The following PARD3B variants were observed in gnomAD, a reference collection of about 807,000 sequenced individuals.
PARD3B encodes par-3 family cell polarity regulator beta, also known as partitioning defective 3 homolog B.
A neutral mutation model predicts 130.2 loss-of-function variants in PARD3B; 103 were observed. That is an observed-to-expected ratio of 0.79 (90% confidence interval 0.67 to 0.93). The LOEUF is 0.93. Among genes scored for constraint, PARD3B ranks in the 40% least tolerant of loss-of-function variants. PARD3B has a pLI of 0.00. For synonymous variants in PARD3B, 583 were observed against 553.2 expected, an observed-to-expected ratio of 1.05 and a Z score of -0.76; for missense variants, 1,609 against 1,499.2, an observed-to-expected ratio of 1.07 and a Z score of -1.21.
intron 1 of PARD3B, among the ~76,000 whole-genome samples, chr2:204,602,387 C>G (rs148224847): frequency 0.018 from 2,682 of 151,510 alleles, 42 homozygotes; most frequent in Admixed American, 0.043. Flanking sequence ...CCAACCCTGC[C>G]CAAGGACTTT....
At chr2:204,795,922 G>C (rs10203370) in intron 2 of PARD3B, among the ~76,000 whole-genome samples, 3,837 of 151,982 alleles carry the variant, frequency 0.025, 70 homozygotes, top group South Asian at 0.073. Context: ...TTGTCTTGTT[G>C]GTCAGGAATC....
chr2:205,344,194 T>TTGTGTTTG (rs148707708), intron 18 of PARD3B, among the ~76,000 whole-genome samples: 70,217 of 140,774 alleles, frequency 0.5, 19,844 homozygotes, highest in Admixed American at 0.65. Flanking sequence ...GTCAGTTGGT[T>TTGTGTTTG]TGTGTGTGTG....
At chr2:205,552,266 A>G (rs2052679090) in intron 21 of PARD3B, among the ~76,000 whole-genome samples, 1 of 150,502 alleles carries the variant, frequency 6.6e-6, no homozygotes, top group African/African-American at 2.5e-5. Context: ...TTCATCACTT[A>G]TGGGTGGCCA....
At chr2:204,849,172 A>C (rs971327829) in intron 2 of PARD3B, among the ~76,000 whole-genome samples, 1 of 152,118 alleles carries the variant, frequency 6.6e-6, no homozygotes, top group Non-Finnish European at 1.5e-5. Flanking sequence ...TAAGAGTCAA[A>C]TTTGGGGTCT....
chr2:205,145,389 G>A (rs1204783043), intron 10 of PARD3B, among the ~76,000 whole-genome samples: 1 of 152,042 alleles, frequency 6.6e-6, no homozygotes, highest in African/African-American at 2.4e-5. Context: ...TCCATTTATG[G>A]AATAAAGACA....
At chr2:204,649,570 C>CA (rs1046370403) in intron 1 of PARD3B, among the ~76,000 whole-genome samples, 6 of 151,528 alleles carry the variant, frequency 4.0e-5, no homozygotes, top group African/African-American at 9.7e-5. Flanking sequence ...CCCAGACACA[C>CA]AAAAAAATGG....
At chr2:205,364,919 C>T (rs1014437218) in intron 18 of PARD3B, among the ~76,000 whole-genome samples, 3 of 152,066 alleles carry the variant, frequency 2.0e-5, no homozygotes, top group Admixed American at 6.5e-5. Context: ...ATCTGCTGTA[C>T]AGCCGGGTGT....
intron 3 of PARD3B, among the ~76,000 whole-genome samples, chr2:205,035,126 G>C (rs905222964): frequency 1.3e-5 from 2 of 151,964 alleles, no homozygotes; most frequent in Admixed American, 6.6e-5. Flanking sequence ...GCCTCCCAAA[G>C]TGCTGGGATT....
intron 21 of PARD3B, among the ~76,000 whole-genome samples, chr2:205,512,676 GAA>G (rs1319084024): frequency 6.6e-6 from 1 of 152,152 alleles, no homozygotes. Flanking sequence ...TACAAGGAAA[GAA>G]AACTTGTTTG....
intron 2 of PARD3B, among the ~76,000 whole-genome samples, chr2:204,816,184 G>A (rs150243466): frequency 6.5e-4 from 98 of 151,892 alleles, no homozygotes; most frequent in Middle Eastern, 3.4e-3. Flanking sequence ...TTCAGTTTCT[G>A]TCCTTCTGAT....
intron 1 of PARD3B, among the ~76,000 whole-genome samples, chr2:204,671,775 C>A (rs187674979): frequency 7.6e-4 from 116 of 152,124 alleles, no homozygotes; most frequent in African/African-American, 2.6e-3. Flanking sequence ...CTGCAGTTTT[C>A]AAAACAATAA....
chr2:205,035,415 C>G lies in PARD3B; in HGVS notation c.395-12166C>G, dbSNP rs548023497. 3.9e-5 allele frequency among the ~76,000 whole-genome samples: 6 copies of G among 152,128 alleles called. No homozygotes were observed. In the East Asian group the frequency reaches 1.2e-3, roughly 29 times the overall value. On this transcript the variant is annotated intron_variant, in intron 3 of 22. Transcript: ENST00000406610. ...TATATTCTATATAAGAGAGAAGTTC[C>G]CATTTGTCAAGGTATCGATGAGAAC...
intron 1 of PARD3B, among the ~76,000 whole-genome samples, chr2:204,635,864 A>G (rs2034856951): frequency 6.6e-6 from 1 of 152,218 alleles, no homozygotes; most frequent in Admixed American, 6.5e-5. Flanking sequence ...TTATTAAAAA[A>G]TAATGTGATA....
chr2:204,555,918 T>G (rs2030892052), intron 1 of PARD3B, among the ~76,000 whole-genome samples: 1 of 152,202 alleles, frequency 6.6e-6, no homozygotes, highest in Non-Finnish European at 1.5e-5. Flanking sequence ...ACCCTTTCTA[T>G]TGCCCTTCCC....
At chr2:205,066,200 TA>T (rs2125469523) in intron 4 of PARD3B, among the ~76,000 whole-genome samples, 1 of 152,308 alleles carries the variant, frequency 6.6e-6, no homozygotes, top group East Asian at 1.9e-4. Flanking sequence ...TTGGCTGAGG[TA>T]CTAATCTTAA....
At chr2:204,549,383 T>C (rs1478965302) in intron 1 of PARD3B, among the ~76,000 whole-genome samples, 1 of 152,186 alleles carries the variant, frequency 6.6e-6, no homozygotes, top group Non-Finnish European at 1.5e-5. Context: ...ATGGTGGGGA[T>C]CGTTGAGTAA....
chr2:204,866,896 C>T (rs2045441827), intron 2 of PARD3B, among the ~76,000 whole-genome samples: 1 of 151,902 alleles, frequency 6.6e-6, no homozygotes, highest in African/African-American at 2.4e-5. Flanking sequence ...TGGTGAAACC[C>T]CGTCTCTACT....
chr2:204,763,594 C>T (rs2041004054), intron 2 of PARD3B, among the ~76,000 whole-genome samples: 1 of 152,086 alleles, frequency 6.6e-6, no homozygotes, highest in Non-Finnish European at 1.5e-5. Context: ...GAACTTATTC[C>T]ATAGAGGAGA....
At chr2:205,524,466 G>A (rs542713851) in intron 21 of PARD3B, among the ~76,000 whole-genome samples, 2 of 152,284 alleles carry the variant, frequency 1.3e-5, no homozygotes, top group East Asian at 3.9e-4. Context: ...GCTTAGTTTT[G>A]CAGGTGCTTT....
Sources: gnomAD v4.1 joint callset for allele counts (sites outside exome capture counted in the v4.1 genomes callset) on GRCh38, gnomAD v4.1.1 for gene constraint, MANE v1.5 for transcripts, NCBI Gene and HGNC (gene_info 2026-07-23, HGNC 2026-07-21) for gene names.